The following LRRC37A2 variants were observed in gnomAD, a reference collection of about 807,000 sequenced individuals.
LRRC37A2 encodes leucine-rich repeat-containing protein 37A2.
LRRC37A2 carries 9 observed loss-of-function variants against 68.8 expected under a neutral mutation model. The observed-to-expected ratio is 0.13, with a 90% CI of 0.08 to 0.23. The LOEUF (loss-of-function observed/expected upper bound fraction) is 0.23. Ranked by LOEUF, LRRC37A2 falls within the 10% of genes least tolerant of loss-of-function variation. The probability of loss-of-function intolerance (pLI) is 1.00; values close to 1 mark genes in which losing one functional copy is unlikely to be tolerated. For synonymous variants in LRRC37A2, 63 were observed against 367.6 expected (o/e 0.17, Z 9.48); for missense variants, 168 against 950.4 (o/e 0.18, Z 10.82).
At chr17:46,946,369 G>A in the LRRC37A2 span, among the ~76,000 whole-genome samples, 696 of 151,288 alleles carry the variant, frequency 4.6e-3, 7 homozygotes, top group African/African-American at 0.015. Context: ...GCTGAGGCAG[G>A]AGAATTGCTT....
the LRRC37A2 span, among the ~76,000 whole-genome samples, chr17:46,389,158 G>A: frequency 2.0e-5 from 3 of 149,716 alleles, no homozygotes; most frequent in Non-Finnish European, 3.0e-5. Flanking sequence ...TCATGCCACC[G>A]TACTCCAGCC....
At chr17:46,677,839 TG>T in the LRRC37A2 span, among the ~76,000 whole-genome samples, 1 of 66,258 alleles carries the variant, frequency 1.5e-5, no homozygotes. Context: ...GACAGGCTAG[TG>T]GGAGTAATGG....
the LRRC37A2 span, among the ~76,000 whole-genome samples, chr17:46,988,727 G>A: frequency 6.6e-6 from 1 of 152,176 alleles, no homozygotes; most frequent in Non-Finnish European, 1.5e-5. Context: ...CAGGCAGACA[G>A]TTGGAGGCAT....
the LRRC37A2 span, among the ~76,000 whole-genome samples, chr17:46,676,512 G>A: frequency 1.4e-5 from 2 of 147,096 alleles, no homozygotes; most frequent in South Asian, 2.1e-4. Flanking sequence ...GATTATAGGC[G>A]TGACCCACCA....
At chr17:46,986,215 G>A in the LRRC37A2 span, among the ~76,000 whole-genome samples, 1 of 152,138 alleles carries the variant, frequency 6.6e-6, no homozygotes, top group Non-Finnish European at 1.5e-5. Flanking sequence ...GTGCCACTAT[G>A]TACCATTTAG....
chr17:46,916,369 CCT>C, the LRRC37A2 span, among the ~76,000 whole-genome samples: 1 of 152,158 alleles, frequency 6.6e-6, no homozygotes, highest in South Asian at 2.1e-4. Flanking sequence ...CACTCCCTCC[CCT>C]GACAACTGAT....
chr17:46,941,385 C>T, the LRRC37A2 span: 517 of 980,748 alleles, frequency 5.3e-4, 1 homozygote, highest in East Asian at 1.1e-3. Flanking sequence ...TAAAAGAATT[C>T]GATATTCATT....
At chr17:46,776,945 C>G in the LRRC37A2 span, among the ~76,000 whole-genome samples, 1 of 152,178 alleles carries the variant, frequency 6.6e-6, no homozygotes, top group African/African-American at 2.4e-5. Context: ...TTGACACCTT[C>G]TGCAGGCCTG....
chr17:46,871,083 C>T, the LRRC37A2 span, among the ~76,000 whole-genome samples: 2 of 151,670 alleles, frequency 1.3e-5, no homozygotes, highest in Non-Finnish European at 1.5e-5. Context: ...CATAATTTTT[C>T]TATTTTTAGT....
chr17:46,921,224 T>C, the LRRC37A2 span: 42 of 152,372 alleles, frequency 2.8e-4, no homozygotes, highest in African/African-American at 8.7e-4. Flanking sequence ...TACCACCTAC[T>C]TCGTGGGATC....
the LRRC37A2 span, among the ~76,000 whole-genome samples, chr17:46,836,095 C>CGTACGTGTGTGTGTGT: frequency 2.4e-5 from 3 of 126,434 alleles, no homozygotes; most frequent in African/African-American, 9.6e-5. Flanking sequence ...GAGACGCTGA[C>CGTACGTGTGTGTGTGT]GTGTGTGTGT....
chr17:46,935,542 A>G, the LRRC37A2 span: 5 of 1,241,578 alleles, frequency 4.0e-6, no homozygotes, highest in African/African-American at 1.5e-5. Context: ...CCTCGCTTTA[A>G]GGTGGCTTTC....
chr17:46,599,541 TTAACA>T, the LRRC37A2 span, among the ~76,000 whole-genome samples: 1 of 111,712 alleles, frequency 9.0e-6, no homozygotes, highest in Admixed American at 1.1e-4. Flanking sequence ...TTAAGAAATG[TTAACA>T]TATGATATCT....
At chr17:46,825,827 C>A in the LRRC37A2 span, among the ~76,000 whole-genome samples, 1 of 152,314 alleles carries the variant, frequency 6.6e-6, no homozygotes, top group African/African-American at 2.4e-5. Context: ...GGTTTGAAAC[C>A]AGCCTGGCCA....
chr17:46,866,212 T>G, the LRRC37A2 span, among the ~76,000 whole-genome samples: 1 of 152,080 alleles, frequency 6.6e-6, no homozygotes, highest in African/African-American at 2.4e-5. Flanking sequence ...GGAGTTGGTG[T>G]TGAGCAGCCA....
chr17:46,770,120 G>A, the LRRC37A2 span: 2 of 1,471,404 alleles, frequency 1.4e-6, no homozygotes, highest in African/African-American at 1.4e-5. Flanking sequence ...CCACCTCCCA[G>A]GCCAGGACGT....
At chr17:46,779,101 A>ACACACACACACACC in the LRRC37A2 span, among the ~76,000 whole-genome samples, 4 of 139,974 alleles carry the variant, frequency 2.9e-5, no homozygotes, top group Non-Finnish European at 6.0e-5. Context: ...ACACACACAC[A>ACACACACACACACC]CACCCCAGCC....
At chr17:46,795,645 G>A in the LRRC37A2 span, among the ~76,000 whole-genome samples, 28 of 152,346 alleles carry the variant, frequency 1.8e-4, no homozygotes, top group Admixed American at 3.3e-4. Context: ...GCAAGGGGCA[G>A]TGGGTGACGA....
At chr17:46,944,916 T>C in the LRRC37A2 span, among the ~76,000 whole-genome samples, 1 of 152,144 alleles carries the variant, frequency 6.6e-6, no homozygotes, top group African/African-American at 2.4e-5. Flanking sequence ...TTTAACTTTC[T>C]AAGGAGTCTC....
Sources: allele counts gnomAD v4.1 joint callset (sites outside exome capture counted in the v4.1 genomes callset), GRCh38; gene constraint gnomAD v4.1.1; transcripts MANE v1.5; gene names NCBI Gene and HGNC (gene_info 2026-07-23, HGNC 2026-07-21).